The following KCNC2 variants were observed in gnomAD, a reference collection of about 807,000 sequenced individuals.
KCNC2 encodes the protein voltage-gated potassium channel KCNC2.
A neutral mutation model predicts 44.5 loss-of-function variants in KCNC2; 21 were observed. The ratio of observed to expected loss-of-function variants is 0.47; its 90% CI spans 0.33 to 0.68. The LOEUF is 0.68. Ranked by LOEUF, KCNC2 falls within the 30% of genes least tolerant of loss-of-function variation. The pLI, the probability that KCNC2 is intolerant of heterozygous loss-of-function variation, is 0.01. For missense variants in KCNC2, 589 were observed against 826.2 expected, an observed-to-expected ratio of 0.71 and a Z score of 3.52; for synonymous variants, 391 against 339.1, an observed-to-expected ratio of 1.15 and a Z score of -1.68.
At chr12:75,157,012 A>G (rs191682328) in intron 2 of KCNC2, among the ~76,000 whole-genome samples, 8 of 152,004 alleles carry the variant, frequency 5.3e-5, no homozygotes, top group Admixed American at 3.9e-4. Context: ...TAATCTGGGA[A>G]CAATCCCAAG....
intron 2 of KCNC2, among the ~76,000 whole-genome samples, chr12:75,062,270 AG>A (rs1882419647): frequency 6.6e-6 from 1 of 152,106 alleles, no homozygotes; most frequent in Non-Finnish European, 1.5e-5. Context: ...AGAAAGACTC[AG>A]AAAAGAAAAG....
chr12:75,052,011 G>C (rs761581704), intron 2 of KCNC2, among the ~76,000 whole-genome samples: 2 of 151,894 alleles, frequency 1.3e-5, no homozygotes, highest in African/African-American at 4.8e-5. Context: ...CAAAGTGTTC[G>C]AGTAACATAC....
Position 75,087,828 on chromosome 12 carries a change from C to T in KCNC2, c.688-36511G>A, listed in dbSNP as rs76550447. On this transcript the variant is annotated intron_variant, in intron 2 of 4. Transcript: ENST00000549446. ...GTGATCTGGAAACTGATTCAAAGAA[C>T]CTTTCCAAAAAGCATCTTCAGGCAG... Among the ~76,000 whole-genome samples, 1,934 of 152,108 alleles carry T rather than the reference C, an allele frequency of 0.013. 98 individuals carry two copies. In the East Asian group the frequency reaches 0.15, roughly 12 times the overall value.
intron 2 of KCNC2, among the ~76,000 whole-genome samples, chr12:75,087,629 T>G (rs1885132652): frequency 6.6e-6 from 1 of 152,038 alleles, no homozygotes; most frequent in Non-Finnish European, 1.5e-5. Context: ...CACATTAATC[T>G]CATTCAACCA....
At chr12:75,159,720 T>C (rs78317497) in intron 2 of KCNC2, among the ~76,000 whole-genome samples, 3,744 of 151,940 alleles carry the variant, frequency 0.025, 160 homozygotes, top group African/African-American at 0.085. Flanking sequence ...TAATCACAGG[T>C]GTTCAAACCA....
intron 2 of KCNC2, among the ~76,000 whole-genome samples, chr12:75,111,297 T>A (rs1425144232): frequency 6.6e-6 from 1 of 152,168 alleles, no homozygotes; most frequent in Non-Finnish European, 1.5e-5. Flanking sequence ...TATTTTTGAT[T>A]TCAGACATTA....
chr12:75,105,358 A>G (rs1461825619), intron 2 of KCNC2, among the ~76,000 whole-genome samples: 2 of 152,168 alleles, frequency 1.3e-5, no homozygotes, highest in Non-Finnish European at 2.9e-5. Flanking sequence ...ACAAAGGGAC[A>G]AACTGATACA....
At chr12:75,196,219 C>G (rs1318042249) in intron 2 of KCNC2, among the ~76,000 whole-genome samples, 5 of 152,120 alleles carry the variant, frequency 3.3e-5, no homozygotes, top group Non-Finnish European at 2.9e-5. Flanking sequence ...TATGCCTTCA[C>G]CTTGCCGCTT....
chr12:75,044,586 T>G (rs2293419), intron 4 of KCNC2: 22,092 of 151,924 alleles, frequency 0.15, 1,963 homozygotes, highest in Middle Eastern at 0.2. Context: ...TTATTTTATG[T>G]ATGAGAGGCC....
chr12:75,172,243 A>G (rs535348970), intron 2 of KCNC2, among the ~76,000 whole-genome samples: 8 of 151,964 alleles, frequency 5.3e-5, no homozygotes, highest in Admixed American at 2.0e-4. Context: ...CAAAGACAGC[A>G]TGTTTTCACT....
intron 2 of KCNC2, among the ~76,000 whole-genome samples, chr12:75,172,950 A>C (rs1020021951): frequency 2.6e-5 from 4 of 151,908 alleles, no homozygotes; most frequent in Non-Finnish European, 4.4e-5. Flanking sequence ...TAGAATTCTG[A>C]GAAAAGCAAA....
chr12:75,181,912 C>G (rs1392074791), intron 2 of KCNC2, among the ~76,000 whole-genome samples: 1 of 73,978 alleles, frequency 1.4e-5, no homozygotes, highest in East Asian at 6.5e-4. Flanking sequence ...CTATTAATAT[C>G]TTCCTTTTTT....
In KCNC2 at chr12:75,166,518, T is replaced by C. The variant is rs201096634; in HGVS notation, c.687+40779A>G. ...AACATCAGCAGAATACACATTTGTGTCAAATGCACATGAAACCTTCTCCAG... is the reference window on the plus strand; with the variant it reads ...AACATCAGCAGAATACACATTTGTGCCAAATGCACATGAAACCTTCTCCAG... On this transcript the variant is annotated intron_variant, in intron 2 of 4. Coordinates refer to ENST00000549446, the MANE Select transcript of KCNC2 (RefSeq NM_139137.4). Among the ~76,000 whole-genome samples, 9 of 151,088 alleles carry C rather than the reference T, an allele frequency of 6.0e-5. No individual in the cohort carries two copies. In the East Asian group the frequency reaches 1.4e-3, roughly 23 times the overall value.
At chr12:75,191,798 C>T (rs923208394) in intron 2 of KCNC2, among the ~76,000 whole-genome samples, 11 of 151,780 alleles carry the variant, frequency 7.2e-5, no homozygotes, top group Admixed American at 5.2e-4. Context: ...ATCCACCCGC[C>T]TCGGCCTCCC....
In KCNC2 at chr12:75,048,585, A is replaced by C. The variant is rs546408104; in HGVS notation, c.1616-268T>G. Among the ~76,000 whole-genome samples the C allele has an allele frequency of 7.2e-5, 11 of 152,256 alleles. No homozygotes were observed. In the East Asian group the frequency reaches 1.7e-3, roughly 24 times the overall value. ...ATAGGAAACTGCCTTTCACACGACT[A>C]ATATGAATTCAAAATAAATGTGAAA... On this transcript the variant is annotated intron_variant, in intron 3 of 4. Coordinates refer to ENST00000549446, the MANE Select transcript of KCNC2 (RefSeq NM_139137.4).
intron 2 of KCNC2, among the ~76,000 whole-genome samples, chr12:75,108,983 A>G (rs1166029678): frequency 3.3e-5 from 5 of 152,214 alleles, no homozygotes; most frequent in Non-Finnish European, 2.9e-5. Flanking sequence ...AGAGAGTTAT[A>G]TACTAGAAGA....
chr12:75,203,637 G>T (rs1045690619), intron 2 of KCNC2, among the ~76,000 whole-genome samples: 1 of 151,664 alleles, frequency 6.6e-6, no homozygotes, highest in Admixed American at 6.6e-5. Context: ...TGCTTTAAAA[G>T]TAAAAAACAG....
In KCNC2 at chr12:75,134,863, T is replaced by C. The variant is rs112911350; in HGVS notation, c.687+72434A>G. Among the ~76,000 whole-genome samples the C allele has an allele frequency of 1.1e-3, 169 of 151,984 alleles. 2 individuals carry two copies. The highest frequency in any genetic ancestry group is 3.8e-3 in the African/African-American group (156 of 41,540). On this transcript the variant is annotated intron_variant, in intron 2 of 4. Transcript: ENST00000549446. The stretch of plus-strand genomic sequence containing the variant: ...TTAAATGCTCTAAAATTCTGATTCA[T>C]ATTATGCTTCTCCATAGCTAGTCTG...
chr12:75,134,789 C>G (rs1889111843), intron 2 of KCNC2, among the ~76,000 whole-genome samples: 1 of 151,810 alleles, frequency 6.6e-6, no homozygotes, highest in Admixed American at 6.6e-5. Flanking sequence ...CACTTTCAGC[C>G]TAATATAAAA....
Sources: allele counts gnomAD v4.1 joint callset (sites outside exome capture counted in the v4.1 genomes callset), GRCh38; gene constraint gnomAD v4.1.1; transcripts MANE v1.5; gene names NCBI Gene and HGNC (gene_info 2026-07-23, HGNC 2026-07-21).